AFG2A: variants seen among roughly 807,000 people sequenced by gnomAD.
AFG2A encodes AAA ATPase AFG2A.
the AFG2A span, among the ~76,000 whole-genome samples, chr4:123,186,453 G>C: frequency 6.6e-6 from 1 of 152,192 alleles, no homozygotes; most frequent in South Asian, 2.1e-4. Flanking sequence ...TTAGAGTTTA[G>C]TCTAGAAGTT....
the AFG2A span, among the ~76,000 whole-genome samples, chr4:123,093,310 T>C: frequency 1.3e-5 from 2 of 151,730 alleles, no homozygotes; most frequent in African/African-American, 4.9e-5. Flanking sequence ...ATGCCCACTT[T>C]CATTTACATG....
chr4:123,250,506 G>T, the AFG2A span, among the ~76,000 whole-genome samples: 1 of 152,168 alleles, frequency 6.6e-6, no homozygotes, highest in Non-Finnish European at 1.5e-5. Flanking sequence ...CAGAGTTCAG[G>T]TGAACTCCCT....
the AFG2A span, among the ~76,000 whole-genome samples, chr4:123,235,575 A>C: frequency 5.9e-4 from 90 of 152,322 alleles, no homozygotes; most frequent in African/African-American, 2.1e-3. Flanking sequence ...CCTTTGCTAA[A>C]GATAGAATAA....
chr4:122,992,706 G>A, the AFG2A span, among the ~76,000 whole-genome samples: 1 of 152,160 alleles, frequency 6.6e-6, no homozygotes, highest in Non-Finnish European at 1.5e-5. Flanking sequence ...TGGAAATATT[G>A]CCAGTGAAAA....
At chr4:123,170,790 C>A in the AFG2A span, among the ~76,000 whole-genome samples, 1 of 151,978 alleles carries the variant, frequency 6.6e-6, no homozygotes, top group South Asian at 2.1e-4. Context: ...GATTTTTCTT[C>A]TTTTTTCAAA....
At chr4:123,056,881 A>G in the AFG2A span, among the ~76,000 whole-genome samples, 1 of 152,034 alleles carries the variant, frequency 6.6e-6, no homozygotes, top group Admixed American at 6.5e-5. Context: ...CGAGGCTTAC[A>G]GAAGTGAAGT....
At chr4:123,145,075 T>C in the AFG2A span, among the ~76,000 whole-genome samples, 120 of 152,226 alleles carry the variant, frequency 7.9e-4, 1 homozygote, top group African/African-American at 2.8e-3. Context: ...TGGAAGCTTC[T>C]AAAAGGCAGA....
chr4:123,129,785 T>C, the AFG2A span, among the ~76,000 whole-genome samples: 1 of 152,186 alleles, frequency 6.6e-6, no homozygotes, highest in African/African-American at 2.4e-5. Flanking sequence ...CTAATTCAGC[T>C]CAGATCTTTG....
the AFG2A span, among the ~76,000 whole-genome samples, chr4:123,181,380 G>A: frequency 6.6e-6 from 1 of 152,048 alleles, no homozygotes; most frequent in Admixed American, 6.5e-5. Flanking sequence ...TGGGAGGCAA[G>A]GTGGACAGAT....
At chr4:123,111,938 G>T in the AFG2A span, among the ~76,000 whole-genome samples, 1 of 152,070 alleles carries the variant, frequency 6.6e-6, no homozygotes, top group African/African-American at 2.4e-5. Context: ...GGCCAGGCTG[G>T]TCTTGAACTC....
the AFG2A span, among the ~76,000 whole-genome samples, chr4:123,291,417 C>CT: frequency 9.0e-4 from 137 of 152,252 alleles, 1 homozygote; most frequent in South Asian, 0.016. Flanking sequence ...TTTATAAGCT[C>CT]TGAGTTTTAT....
the AFG2A span, among the ~76,000 whole-genome samples, chr4:123,028,918 AT>A: frequency 6.6e-6 from 1 of 152,210 alleles, no homozygotes; most frequent in Admixed American, 6.5e-5. Flanking sequence ...GGGATAGATA[AT>A]CTTTCATGAT....
chr4:123,053,540 G>A, the AFG2A span, among the ~76,000 whole-genome samples: 1 of 152,216 alleles, frequency 6.6e-6, no homozygotes, highest in African/African-American at 2.4e-5. Flanking sequence ...CACTCAGCTG[G>A]TCATTGCAAA....
chr4:123,140,534 T>C, the AFG2A span, among the ~76,000 whole-genome samples: 2 of 151,556 alleles, frequency 1.3e-5, no homozygotes, highest in Non-Finnish European at 2.9e-5. Context: ...TTTCTTGTAA[T>C]GCCACAGGCA....
chr4:123,241,355 CT>C, the AFG2A span, among the ~76,000 whole-genome samples: 1 of 152,204 alleles, frequency 6.6e-6, no homozygotes, highest in Non-Finnish European at 1.5e-5. Flanking sequence ...ACCAATATCC[CT>C]GATGAACATC....
chr4:123,156,828 T>C, the AFG2A span, among the ~76,000 whole-genome samples: 1 of 151,698 alleles, frequency 6.6e-6, no homozygotes, highest in African/African-American at 2.4e-5. Flanking sequence ...TAGTTTTTTT[T>C]TGGATAAAGT....
the AFG2A span, among the ~76,000 whole-genome samples, chr4:123,184,483 T>TTA: frequency 6.6e-6 from 1 of 151,682 alleles, no homozygotes; most frequent in Non-Finnish European, 1.5e-5. Flanking sequence ...TTTCTGCCAG[T>TTA]TATATATATA....
the AFG2A span, among the ~76,000 whole-genome samples, chr4:123,250,081 GAATGGGAGCC>G: frequency 1.8e-4 from 28 of 152,208 alleles, no homozygotes; most frequent in African/African-American, 6.7e-4. Flanking sequence ...TATTTTAAAT[GAATGGGAGCC>G]AATGGGACCT....
the AFG2A span, among the ~76,000 whole-genome samples, chr4:123,059,250 C>A: frequency 6.7e-6 from 1 of 150,096 alleles, no homozygotes; most frequent in African/African-American, 2.5e-5. Context: ...TGTGCTGCAC[C>A]CATTAACTCG....
Sources: gnomAD v4.1 joint callset for allele counts (sites outside exome capture counted in the v4.1 genomes callset) on GRCh38, gnomAD v4.1.1 for gene constraint, MANE v1.5 for transcripts, NCBI Gene and HGNC (gene_info 2026-07-23, HGNC 2026-07-21) for gene names.